The following TRIM2 variants were observed in gnomAD, a reference collection of about 807,000 sequenced individuals.
TRIM2 encodes the protein tripartite motif containing 2.
A neutral mutation model predicts 75.2 loss-of-function variants in TRIM2; 20 were observed. That is an observed-to-expected ratio of 0.27 (90% CI 0.19 to 0.39). The LOEUF (loss-of-function observed/expected upper bound fraction) is 0.39, where lower values mean the gene tolerates loss of function less well. TRIM2 is among the 10% of genes least tolerant of loss of function. The probability of loss-of-function intolerance (pLI) is 1.00; values close to 1 mark genes in which losing one functional copy is unlikely to be tolerated. For synonymous variants in TRIM2, 373 were observed against 388.3 expected, an observed-to-expected ratio of 0.96 and a Z score of 0.46; for missense variants, 660 against 990.8, an observed-to-expected ratio of 0.67 and a Z score of 4.48.
intron 3 of TRIM2, 153 bp downstream of exon 3, chr4:153,276,283 C>T: frequency 1.5e-6 from 1 of 647,886 alleles, no homozygotes; most frequent in Non-Finnish European, 2.7e-6. Flanking sequence ...AGACTACCTG[C>T]TCACTTTCTT....
At chr4:153,244,431 T>TCTTCTTCTTCTC (rs1560875850) in intron 1 of TRIM2, among the ~76,000 whole-genome samples, 2 of 118,758 alleles carry the variant, frequency 1.7e-5, no homozygotes, top group Non-Finnish European at 3.3e-5. Flanking sequence ...TTCTTCTTCT[T>TCTTCTTCTTCTC]CTTCTTTTAA....
rs1560873331 is a variant in TRIM2 at position 153,244,284 on chromosome 4, TC to T, written c.31-26049del. Reference sequence around the variant, plus strand: ...CTCCTCCTCCTCCTCCTCCTCCTCCTCCTCCTCCTCCTCCTCCTCCTCCTCC... The same window carrying T: ...CTCCTCCTCCTCCTCCTCCTCCTCCTCTCCTCCTCCTCCTCCTCCTCCTCC... On this transcript the variant is annotated intron_variant, in intron 1 of 11. Coordinates refer to ENST00000338700, the MANE Select transcript of TRIM2 (RefSeq NM_015271.5). 2.1e-3 allele frequency among the ~76,000 whole-genome samples: 52 copies of T among 25,092 alleles called. 2 individuals are homozygous for T. Among genetic ancestry groups the T allele is most frequent in the Admixed American group, 7.0e-3 (18 of 2,564 alleles). 16.5% of individuals were successfully genotyped at this position (25,092 alleles called of 152,430 possible). A position where few individuals can be genotyped will look rare whatever the true frequency, so the allele number is the denominator to read the frequency against.
At position 153,186,682 on chromosome 4, in the gene TRIM2, G is replaced by A. The variant is rs545205811; in HGVS notation, c.-49+33412G>A. ...TCCCCACTGCCAAGTCCCCGAAAGGGGAAGCCTTTCCCACGCCTGCACCAT... is the reference window on the plus strand; with the variant it reads ...TCCCCACTGCCAAGTCCCCGAAAGGAGAAGCCTTTCCCACGCCTGCACCAT... On this transcript the variant is annotated intron_variant, in intron 1 of 11. Transcript: ENST00000437508. Among the ~76,000 whole-genome samples, 237 of 152,282 alleles carry A rather than the reference G, an allele frequency of 1.6e-3. 1 individual carries two copies. The highest frequency in any genetic ancestry group is 3.4e-3 in the Middle Eastern group (1 of 294).
chr4:153,253,562 G>T (rs1230769753), intron 1 of TRIM2, among the ~76,000 whole-genome samples: 3 of 152,180 alleles, frequency 2.0e-5, no homozygotes, highest in Non-Finnish European at 4.4e-5. Context: ...TAGGAGTCAG[G>T]TAAAATGAGG....
intron 1 of TRIM2, among the ~76,000 whole-genome samples, chr4:153,256,327 G>T (rs1441661794): frequency 1.3e-5 from 2 of 152,180 alleles, no homozygotes; most frequent in African/African-American, 4.8e-5. Context: ...GCAGAGCTGA[G>T]GCCCCTTCAA....
At chr4:153,216,480 C>T (rs894888691) in intron 1 of TRIM2, among the ~76,000 whole-genome samples, 13 of 152,168 alleles carry the variant, frequency 8.5e-5, no homozygotes, top group Non-Finnish European at 1.6e-4. Flanking sequence ...TGTTCCTCTC[C>T]TGCAGAGGGT....
At position 153,338,030 on chromosome 4, in the gene TRIM2, T is replaced by C; in HGVS notation, c.*3064T>C. Reference sequence around the variant, plus strand: ...ACTTAGTATTTTGATCAAACTTTAGTCTCCAGAACTAAACAAGTCCCTAAG... The same window carrying C: ...ACTTAGTATTTTGATCAAACTTTAGCCTCCAGAACTAAACAAGTCCCTAAG... On this transcript the variant is annotated 3_prime_UTR_variant, in exon 12 of 12. Transcript: ENST00000338700. 5.1e-6 allele frequency: 5 copies of C among 985,858 alleles called. No individual in the cohort carries two copies. Among genetic ancestry groups the C allele is most frequent in the Non-Finnish European group, 4.8e-6 (4 of 829,936 alleles). The allele number at this position is 985,858 out of a possible 1,614,324, so 61.1% of individuals were successfully genotyped here. A position where few individuals can be genotyped will look rare whatever the true frequency, so the allele number is the denominator to read the frequency against.
At chr4:153,275,844 G>A in intron 2 of TRIM2, 49 bp from the exon 3 acceptor site, 1 of 1,534,360 alleles carries the variant, frequency 6.5e-7, no homozygotes, top group Non-Finnish European at 9.0e-7. Context: ...CCTGTGAGAA[G>A]TGGAGGTTCT....
At chr4:153,260,255 G>A (rs1264897647) in intron 1 of TRIM2, among the ~76,000 whole-genome samples, 1 of 152,022 alleles carries the variant, frequency 6.6e-6, no homozygotes, top group African/African-American at 2.4e-5. Context: ...TAGTCCCCAA[G>A]CAAAGCAAGG....
intron 3 of TRIM2, among the ~76,000 whole-genome samples, chr4:153,289,286 A>C (rs1276697657): frequency 1.3e-5 from 2 of 152,036 alleles, no homozygotes; most frequent in African/African-American, 2.4e-5. Flanking sequence ...TAATTATTTT[A>C]TATTTTTTTC....
chr4:153,209,573 A>C (rs1736391184), intron 1 of TRIM2, among the ~76,000 whole-genome samples: 1 of 152,238 alleles, frequency 6.6e-6, no homozygotes, highest in African/African-American at 2.4e-5. Flanking sequence ...TACCGTACTT[A>C]ACAAGTTGGA....
At chr4:153,188,188 G>A (rs1021175340) in intron 1 of TRIM2, among the ~76,000 whole-genome samples, 2 of 152,190 alleles carry the variant, frequency 1.3e-5, no homozygotes, top group East Asian at 1.9e-4. Flanking sequence ...GGCCAGGCGC[G>A]GTGGCTCACG....
intron 6 of TRIM2, among the ~76,000 whole-genome samples, chr4:153,299,605 C>T (rs755840856): frequency 5.9e-5 from 9 of 152,254 alleles, no homozygotes; most frequent in Non-Finnish European, 1.2e-4. Context: ...TCTTTGTCCT[C>T]CATTTTAAAG....
intron 6 of TRIM2, among the ~76,000 whole-genome samples, chr4:153,313,627 C>CTTTTTTTTTTT (rs398051309): frequency 5.2e-4 from 51 of 98,526 alleles, no homozygotes; most frequent in African/African-American, 2.2e-3. Flanking sequence ...AGCAATGGCT[C>CTTTTTTTTTTT]TTTTTTTTTT....
Position 153,337,412 on chromosome 4 carries a change from T to C in TRIM2, c.*2446T>C, listed in dbSNP as rs1216196972. 3 of 985,870 alleles carry C rather than the reference T, an allele frequency of 3.0e-6. No homozygotes were observed. Among genetic ancestry groups the C allele is most frequent in the Non-Finnish European group, 3.6e-6 (3 of 829,932 alleles). The allele number at this position is 985,870 out of a possible 1,614,324, so 61.1% of individuals were successfully genotyped here. A position where few individuals can be genotyped will look rare whatever the true frequency, so the allele number is the denominator to read the frequency against. On this transcript the variant is annotated 3_prime_UTR_variant, in exon 12 of 12. Coordinates refer to ENST00000338700, the MANE Select transcript of TRIM2 (RefSeq NM_015271.5). ...AGCTAATTTTTTTTACATGTCAATA[T>C]TGGCACAAACTGGAATGAAAGAATA...
chr4:153,192,477 G>A (rs1733294792), intron 1 of TRIM2, among the ~76,000 whole-genome samples: 1 of 151,910 alleles, frequency 6.6e-6, no homozygotes, highest in Non-Finnish European at 1.5e-5. Context: ...CATAGTGGTG[G>A]GCGCCAGTAG....
At position 153,178,513 on chromosome 4, in the gene TRIM2, A is replaced by G. The variant is rs138728453; in HGVS notation, c.-49+25243A>G. On this transcript the variant is annotated intron_variant, in intron 1 of 11. Coordinates refer to the TRIM2 transcript ENST00000437508. ...GTGCTTATAGTGAAACAGAAGTCAC[A>G]CTTATTTTGCAGTTTGAGAGAGGGT... Among the ~76,000 whole-genome samples, 1,041 of 152,312 alleles carry G rather than the reference A, an allele frequency of 6.8e-3. 8 individuals are homozygous for G. The highest frequency in any genetic ancestry group is 8.5e-3 in the Non-Finnish European group (581 of 68,028).
chr4:153,316,890 T>TTTTTTC (rs1767733961), intron 8 of TRIM2, among the ~76,000 whole-genome samples: 1 of 131,322 alleles, frequency 7.6e-6, no homozygotes, highest in African/African-American at 3.0e-5. Context: ...TTTTTTTTTT[T>TTTTTTC]TTTTTTTTGA....
At chr4:153,278,637 A>G (rs1337590742) in intron 3 of TRIM2, among the ~76,000 whole-genome samples, 1 of 152,074 alleles carries the variant, frequency 6.6e-6, no homozygotes, top group Non-Finnish European at 1.5e-5. Context: ...CACCTCTACC[A>G]AAAATACAAA....
Sources: allele counts gnomAD v4.1 joint callset (sites outside exome capture counted in the v4.1 genomes callset), GRCh38; gene constraint gnomAD v4.1.1; transcripts MANE v1.5; gene names NCBI Gene and HGNC (gene_info 2026-07-23, HGNC 2026-07-21).